Variants in PTPRD observed in about 807,000 individuals in gnomAD.
PTPRD encodes the protein protein tyrosine phosphatase receptor type D.
PTPRD carries 34 observed loss-of-function variants against 214.5 expected under a neutral mutation model. The ratio of observed to expected loss-of-function variants is 0.16; its 90% CI spans 0.12 to 0.21. The LOEUF is 0.21. PTPRD is among the 10% of genes least tolerant of loss of function. The probability of loss-of-function intolerance (pLI) is 1.00; values close to 1 mark genes in which losing one functional copy is unlikely to be tolerated. For synonymous variants in PTPRD, 1,128 were observed against 845.7 expected, an observed-to-expected ratio of 1.33 and a Z score of -5.79; for missense variants, 2,545 against 2,398.7, an observed-to-expected ratio of 1.06 and a Z score of -1.27.
chr9:9,426,072 A>G (rs960401130), intron 8 of PTPRD, among the ~76,000 whole-genome samples: 1 of 152,076 alleles, frequency 6.6e-6, no homozygotes, highest in African/African-American at 2.4e-5. Flanking sequence ...AGGACAGTGG[A>G]TGCAGCCCAC....
intron 8 of PTPRD, among the ~76,000 whole-genome samples, chr9:9,439,940 C>G (rs1036137804): frequency 6.6e-6 from 1 of 152,116 alleles, no homozygotes; most frequent in African/African-American, 2.4e-5. Flanking sequence ...AACTTGATGT[C>G]AAAACCCAGC....
At chr9:10,130,375 C>T (rs1021163730) in intron 3 of PTPRD, among the ~76,000 whole-genome samples, 2 of 152,144 alleles carry the variant, frequency 1.3e-5, no homozygotes, top group Non-Finnish European at 2.9e-5. Context: ...TAGTACAAAG[C>T]CCACTTTGTC....
intron 5 of PTPRD, among the ~76,000 whole-genome samples, chr9:9,774,685 G>C (rs2154484819): frequency 6.6e-6 from 1 of 152,260 alleles, no homozygotes; most frequent in Admixed American, 6.5e-5. Flanking sequence ...TTTTAAATGT[G>C]ATGTAGGCAT....
rs936708471 is a variant in PTPRD, at chr9:9,883,584, T to C, written c.-368+54923A>G. 4.6e-5 allele frequency among the ~76,000 whole-genome samples: 7 copies of C among 152,258 alleles called. No homozygotes were observed. In the South Asian group the frequency reaches 1.0e-3, roughly 23 times the overall value. On this transcript the variant is annotated intron_variant, in intron 5 of 45. Coordinates refer to ENST00000381196, the MANE Select transcript of PTPRD (RefSeq NM_002839.4). ...TATGAATTTTAAGAAGAATAGATCA[T>C]CTTTTACCAAAGTCAGGCAATCATA...
At chr9:8,716,972 C>G (rs1417564299) in intron 12 of PTPRD, among the ~76,000 whole-genome samples, 1 of 152,082 alleles carries the variant, frequency 6.6e-6, no homozygotes, top group Non-Finnish European at 1.5e-5. Context: ...TCAAGACCAG[C>G]CTAGACAACG....
chr9:9,587,246 A>T (rs2092139138), intron 7 of PTPRD, among the ~76,000 whole-genome samples: 1 of 151,980 alleles, frequency 6.6e-6, no homozygotes, highest in African/African-American at 2.4e-5. Flanking sequence ...CTAATATATA[A>T]GAGATAATAG....
intron 5 of PTPRD, among the ~76,000 whole-genome samples, chr9:9,858,515 C>T (rs111981002): frequency 1.3e-5 from 2 of 152,260 alleles, no homozygotes; most frequent in African/African-American, 2.4e-5. Flanking sequence ...ACATTCTACT[C>T]TCAGAAGAGA....
chr9:8,363,695 A>G (rs1247326926), intron 39 of PTPRD, among the ~76,000 whole-genome samples: 1 of 152,166 alleles, frequency 6.6e-6, no homozygotes, highest in Non-Finnish European at 1.5e-5. Flanking sequence ...AGGCTGACCA[A>G]TGTCCTATTG....
chr9:10,554,880 T>C (rs2062142468), intron 2 of PTPRD, among the ~76,000 whole-genome samples: 1 of 152,162 alleles, frequency 6.6e-6, no homozygotes. Context: ...CAGGATGGTC[T>C]CGATCTCCTG....
chr9:8,542,940 A>T (rs978842243), intron 14 of PTPRD, among the ~76,000 whole-genome samples: 1 of 152,220 alleles, frequency 6.6e-6, no homozygotes, highest in African/African-American at 2.4e-5. Flanking sequence ...ACAGTTGAGC[A>T]TGCAAGGGTA....
chr9:10,343,978 GTTTTTTTTTTTTTTTTTTTTT>G (rs139613939), intron 2 of PTPRD, among the ~76,000 whole-genome samples: 20 of 31,656 alleles, frequency 6.3e-4, no homozygotes, highest in African/African-American at 2.6e-3. Flanking sequence ...TCTGATGGTA[GTTTTTTTTTTTTTTTTTTTTT>G]TTTTTTTTGC....
At chr9:10,508,807 G>A (rs2046979771) in intron 2 of PTPRD, among the ~76,000 whole-genome samples, 1 of 152,014 alleles carries the variant, frequency 6.6e-6, no homozygotes, top group Non-Finnish European at 1.5e-5. Context: ...GGTGGGGGTA[G>A]AGGGGAAGGA....
At chr9:10,058,517 TA>T (rs2097700296) in intron 3 of PTPRD, among the ~76,000 whole-genome samples, 1 of 152,140 alleles carries the variant, frequency 6.6e-6, no homozygotes, top group Admixed American at 6.6e-5. Context: ...CTACTTATGT[TA>T]ATTTTGCCTC....
chr9:9,271,796 G>A (rs898535102), intron 9 of PTPRD, among the ~76,000 whole-genome samples: 1 of 151,272 alleles, frequency 6.6e-6, no homozygotes, highest in Non-Finnish European at 1.5e-5. Flanking sequence ...GAAATTTAGG[G>A]TTTGATTGTG....
At chr9:9,126,647 T>C (rs949762964) in intron 10 of PTPRD, among the ~76,000 whole-genome samples, 1 of 152,192 alleles carries the variant, frequency 6.6e-6, no homozygotes, top group African/African-American at 2.4e-5. Context: ...CAATTTTTGG[T>C]GAATCACTGA....
chr9:10,360,864 A>T (rs979397764), intron 2 of PTPRD, among the ~76,000 whole-genome samples: 3 of 152,282 alleles, frequency 2.0e-5, no homozygotes, highest in East Asian at 1.9e-4. Flanking sequence ...GCACTTTGGG[A>T]GGCCAAGACG....
At chr9:8,440,097 T>C (rs2095497718) in intron 34 of PTPRD, among the ~76,000 whole-genome samples, 1 of 152,012 alleles carries the variant, frequency 6.6e-6, no homozygotes, top group South Asian at 2.1e-4. Flanking sequence ...ACTCCATTTA[T>C]TCCTTTTTTT....
intron 30 of PTPRD, among the ~76,000 whole-genome samples, chr9:8,481,711 T>C (rs758093318): frequency 1.3e-5 from 2 of 152,226 alleles, no homozygotes; most frequent in Non-Finnish European, 1.5e-5. Context: ...ATTGCTTCAA[T>C]GATTCTGTCT....
At chr9:8,724,052 G>C (rs1014442759) in intron 12 of PTPRD, among the ~76,000 whole-genome samples, 20 of 152,192 alleles carry the variant, frequency 1.3e-4, no homozygotes, top group Admixed American at 9.2e-4. Flanking sequence ...TTTGTAGTAA[G>C]GCACTGAACT....
Sources: gnomAD v4.1 joint callset for allele counts (sites outside exome capture counted in the v4.1 genomes callset) on GRCh38, gnomAD v4.1.1 for gene constraint, MANE v1.5 for transcripts, NCBI Gene and HGNC (gene_info 2026-07-23, HGNC 2026-07-21) for gene names.